The following TMPRSS6 variants were observed in gnomAD, a reference collection of about 807,000 sequenced individuals.
TMPRSS6 encodes transmembrane serine protease 6, also known as transmembrane protease serine 6.
TMPRSS6 carries 67 observed loss-of-function variants against 101.5 expected under a neutral mutation model. The ratio of observed to expected loss-of-function variants is 0.66; its 90% CI spans 0.54 to 0.81. The LOEUF (loss-of-function observed/expected upper bound fraction) is 0.81, where lower values mean the gene tolerates loss of function less well. TMPRSS6 is among the 30% of genes least tolerant of loss of function. The probability of loss-of-function intolerance (pLI) is 0.00; values close to 1 mark genes in which losing one functional copy is unlikely to be tolerated. For missense variants in TMPRSS6, 1,034 were observed against 1,088.7 expected, an observed-to-expected ratio of 0.95 and a Z score of 0.71; for synonymous variants, 453 against 464.9, an observed-to-expected ratio of 0.97 and a Z score of 0.33.
At chr22:37,086,541 G>A (rs1330051631) in intron 7 of TMPRSS6, 122 bp from the exon 8 acceptor site, 9 of 1,067,522 alleles carry the variant, frequency 8.4e-6, no homozygotes, top group Non-Finnish European at 1.2e-5. Context: ...CTGGGTCCGG[G>A]TCTCCTACCA....
rs752715926 is a variant in TMPRSS6, at chr22:37,070,593, C to T, written c.1732G>A (p.Glu578Lys). Reference sequence around the variant, plus strand: ...TGGAGGCTGGCCTGCCATGGCCACTCACCCTCGGAGGACACAGCTCCACCA... The same window carrying T: ...TGGAGGCTGGCCTGCCATGGCCACTTACCCTCGGAGGACACAGCTCCACCA... ...IVGGAVSSEG[E>K]WPWQASLQVR... is the part of the protein sequence containing the mutation. Residue 578 changes from glutamate to lysine, a missense_variant, in exon 15 of 18, where the codon GAG becomes AAG. Coordinates refer to ENST00000676104, the MANE Select transcript of TMPRSS6 (RefSeq NM_001374504.1). 5.0e-6 allele frequency: 8 copies of T among 1,613,160 alleles called. No homozygotes were observed. The African/African-American group carries it at 1.1e-4, about 22-fold the overall frequency.
intron 1 of TMPRSS6, among the ~76,000 whole-genome samples, chr22:37,108,662 C>T (rs1180210502): frequency 2.0e-5 from 3 of 152,206 alleles, no homozygotes; most frequent in Non-Finnish European, 4.4e-5. Flanking sequence ...CAGCCCTGTG[C>T]TGGGCAGTGC....
chr22:37,078,244 GT>G, intron 10 of TMPRSS6, among the ~76,000 whole-genome samples: 1 of 152,322 alleles, frequency 6.6e-6, no homozygotes, highest in South Asian at 2.1e-4. Context: ...TTGGAGGGGA[GT>G]GGAACGTTTC....
chr22:37,087,840 G>A (rs1261562515), intron 7 of TMPRSS6, among the ~76,000 whole-genome samples: 5 of 152,090 alleles, frequency 3.3e-5, no homozygotes. Context: ...CCTAGCGGCA[G>A]AGCCCTTCTT....
chr22:37,095,851 C>T (rs1929705084), intron 5 of TMPRSS6, 55 bp downstream of exon 5: 6 of 1,606,638 alleles, frequency 3.7e-6, no homozygotes, highest in Admixed American at 3.3e-5. Flanking sequence ...CACACCACAG[C>T]TTGTTTCCCC....
intron 17 of TMPRSS6, 124 bp downstream of exon 17, chr22:37,066,702 C>T: frequency 7.6e-7 from 1 of 1,312,510 alleles, no homozygotes; most frequent in Middle Eastern, 2.3e-4. Context: ...TAGGGGTGGC[C>T]ATCACCACCT....
chr22:37,098,476 C>T lies in TMPRSS6; in HGVS notation c.276G>A (p.Gln92=), dbSNP rs1930021332. ...CACTAGATTCCCGGCGGGTAAGATC[C>T]TGGGAGAAGTGGCGATTGAGTACAC... is the stretch of plus-strand genomic sequence containing the variant. ...SLRVLNRHFS[Q]DLTRRESSAF... Residue 92 remains glutamine (Q), a synonymous_variant, in exon 3 of 18, where the codon CAG becomes CAA. Transcript: ENST00000676104. 3 of 1,614,102 alleles carry T rather than the reference C, an allele frequency of 1.9e-6. No homozygotes were observed. Among genetic ancestry groups the T allele is most frequent in the African/African-American group, 2.7e-5 (2 of 74,968 alleles).
chr22:37,073,763 C>G (rs1056204686), intron 12 of TMPRSS6, 118 bp from the exon 13 acceptor site: 8 of 757,756 alleles, frequency 1.1e-5, no homozygotes, highest in African/African-American at 1.7e-5. Flanking sequence ...ATCTCTTTCT[C>G]TGCTACTTTA....
At chr22:37,068,688 G>C (rs777643832) in intron 16 of TMPRSS6, 2 of 779,548 alleles carry the variant, frequency 2.6e-6, no homozygotes, top group Non-Finnish European at 2.4e-6. Flanking sequence ...AGGGCTGTTG[G>C]GTGGATTATA....
intron 6 of TMPRSS6, among the ~76,000 whole-genome samples, chr22:37,093,604 T>G (rs1929471131): frequency 6.6e-6 from 1 of 150,432 alleles, no homozygotes; most frequent in Admixed American, 6.6e-5. Context: ...GGTTTCGCCT[T>G]CTTGGCCAGG....
chr22:37,098,243 C>T (rs1929993445), intron 3 of TMPRSS6, among the ~76,000 whole-genome samples, 173 bp downstream of exon 3: 1 of 152,142 alleles, frequency 6.6e-6, no homozygotes, highest in South Asian at 2.1e-4. Context: ...CCCAAACATC[C>T]ACTAACTTTC....
intron 6 of TMPRSS6, among the ~76,000 whole-genome samples, chr22:37,091,746 C>G (rs1929283784): frequency 6.6e-6 from 1 of 152,196 alleles, no homozygotes; most frequent in African/African-American, 2.4e-5. Context: ...TTAACTGAGT[C>G]TGGGCCAGTG....
intron 10 of TMPRSS6, among the ~76,000 whole-genome samples, chr22:37,076,020 AAG>A (rs1435977578): frequency 3.4e-5 from 5 of 148,980 alleles, no homozygotes; most frequent in Admixed American, 6.6e-5. Context: ...AGAAAGAAGA[AAG>A]AGAAAGAGAA....
In TMPRSS6 at chr22:37,103,199, C is replaced by T. The variant is rs141436791; in HGVS notation, c.202+17G>A. 146 of 1,613,374 alleles carry T rather than the reference C, an allele frequency of 9.0e-5. No individual in the cohort carries two copies. Among genetic ancestry groups the T allele is most frequent in the Admixed American group, 4.8e-4 (29 of 60,006 alleles). On this transcript the variant is annotated intron_variant, in intron 2 of 17. Transcript: ENST00000676104. This position sits in a 1 kb window ranked among gnomAD's most constrained non-coding sequence, Gnocchi z 4.4. ...GTCCTCCCCAGGTGCCTCTCCCAGGCGGTCCCACAACGTTACCTAGGAAAT... is the reference window on the plus strand; with the variant it reads ...GTCCTCCCCAGGTGCCTCTCCCAGGTGGTCCCACAACGTTACCTAGGAAAT...
At chr22:37,090,029 T>G (rs1929126125) in intron 6 of TMPRSS6, among the ~76,000 whole-genome samples, 1 of 152,234 alleles carries the variant, frequency 6.6e-6, no homozygotes, top group Non-Finnish European at 1.5e-5. Flanking sequence ...GCCTTCTCAG[T>G]GCCCAGGTAA....
At chr22:37,068,841 T>G (rs968529680) in intron 16 of TMPRSS6, among the ~76,000 whole-genome samples, 1 of 152,124 alleles carries the variant, frequency 6.6e-6, no homozygotes. Context: ...GCCCCACACA[T>G]AACGCCCTTC....
At chr22:37,081,622 C>T (rs1038901461) in intron 10 of TMPRSS6, among the ~76,000 whole-genome samples, 6 of 152,126 alleles carry the variant, frequency 3.9e-5, no homozygotes, top group African/African-American at 9.7e-5. Context: ...CTTCCACCCC[C>T]GTGTGGCGAG....
intron 2 of TMPRSS6, among the ~76,000 whole-genome samples, chr22:37,102,223 G>A (rs1930379144): frequency 6.6e-6 from 1 of 152,236 alleles, no homozygotes; most frequent in African/African-American, 2.4e-5. Context: ...CATCTGGGTT[G>A]TCCCTCCTGT....
At chr22:37,077,429 C>T (rs1601532355) in intron 10 of TMPRSS6, among the ~76,000 whole-genome samples, 1 of 152,240 alleles carries the variant, frequency 6.6e-6, no homozygotes, top group East Asian at 1.9e-4. Context: ...CTTACCCTTA[C>T]ACCAACCAGC....
Sources: gnomAD v4.1 joint callset for allele counts (sites outside exome capture counted in the v4.1 genomes callset) on GRCh38, gnomAD v4.1.1 for gene constraint, Gnocchi (gnomAD v3.1) non-coding constraint, MANE v1.5 for transcripts, NCBI Gene and HGNC (gene_info 2026-07-23, HGNC 2026-07-21) for gene names.